Variants in NBPF15 observed in about 807,000 individuals in gnomAD.
NBPF15 encodes the protein NBPF family member NBPF15.
NBPF15 carries 74 observed loss-of-function variants against 62.2 expected under a neutral mutation model. The observed-to-expected ratio is 1.19, with a 90% CI of 0.99 to 1.44. NBPF15 has a LOEUF of 1.44. NBPF15 is among the 40% of genes most tolerant of loss of function. NBPF15 has a pLI of 0.00. For missense variants in NBPF15, 790 were observed against 550.0 expected (o/e 1.44, Z -4.36); for synonymous variants, 244 against 209.7 (o/e 1.16, Z -1.41).
intron 5 of NBPF15, among the ~76,000 whole-genome samples, chr1:144,449,393 T>A (rs1466373308): frequency 6.6e-6 from 1 of 151,080 alleles, no homozygotes; most frequent in African/African-American, 2.4e-5. Context: ...TATACAAGAA[T>A]GTTCATAGCA....
At chr1:144,424,662 C>T in intron 20 of NBPF15, 28 bp downstream of exon 20, 1 of 638,924 alleles carries the variant, frequency 1.6e-6, no homozygotes, top group Non-Finnish European at 2.8e-6. Context: ...TCAGTGGATC[C>T]TTATCACCTT....
chr1:144,428,037 A>G, intron 15 of NBPF15, 47 bp from the exon 16 acceptor site: 1 of 779,088 alleles, frequency 1.3e-6, no homozygotes. Context: ...GGAATCAGAA[A>G]CCACACAGTC....
chr1:144,432,311 C>G (rs9438164), intron 13 of NBPF15, among the ~76,000 whole-genome samples: 2,806 of 150,396 alleles, frequency 0.019, 107 homozygotes, highest in African/African-American at 0.066. Context: ...AAAGTAAGCA[C>G]TAAACATGGA....
chr1:144,443,972 C>A (rs1341195691), intron 6 of NBPF15, among the ~76,000 whole-genome samples: 1 of 151,628 alleles, frequency 6.6e-6, no homozygotes, highest in South Asian at 2.1e-4. Context: ...CATTTTTAAC[C>A]ATTTTCTATA....
At chr1:144,449,782 C>A (rs1553545051) in intron 5 of NBPF15, among the ~76,000 whole-genome samples, 1 of 151,588 alleles carries the variant, frequency 6.6e-6, no homozygotes, top group Non-Finnish European at 1.5e-5. Context: ...TCATTTTGAA[C>A]TAGAATCACT....
chr1:144,455,550 G>A (rs1693938561), intron 4 of NBPF15, among the ~76,000 whole-genome samples: 1 of 151,958 alleles, frequency 6.6e-6, no homozygotes, highest in African/African-American at 2.4e-5. Context: ...AATGAGATGA[G>A]ACAGTGGATC....
At chr1:144,436,841 G>T (rs1160577448) in intron 10 of NBPF15, 54 bp downstream of exon 10, 1 of 1,602,018 alleles carries the variant, frequency 6.2e-7, no homozygotes, top group African/African-American at 1.3e-5. Context: ...ATGGAGGTCT[G>T]GAGTCTCTCA....
At chr1:144,438,620 G>A (rs375355708) in intron 8 of NBPF15, among the ~76,000 whole-genome samples, 2 of 152,010 alleles carry the variant, frequency 1.3e-5, no homozygotes, top group Admixed American at 6.6e-5. Context: ...TGCTAATAAA[G>A]TTTGTGTTAA....
At chr1:144,454,919 C>T (rs1369336816) in intron 4 of NBPF15, among the ~76,000 whole-genome samples, 1 of 150,386 alleles carries the variant, frequency 6.6e-6, no homozygotes, top group Non-Finnish European at 1.5e-5. Flanking sequence ...GAGCTCCCTG[C>T]CTACAAGACA....
chr1:144,439,809 G>T lies in NBPF15; in HGVS notation c.175+20C>A, dbSNP rs1189796726. 4 of 1,572,636 alleles carry T rather than the reference G, an allele frequency of 2.5e-6. No homozygotes were observed. The highest frequency in any genetic ancestry group is 2.6e-6 in the Non-Finnish European group (3 of 1,149,230). Reference sequence around the variant, plus strand: ...GGACATCATTCATCACTTTCATGACGGTGAGCCTATAGATCTTACTGTATT... The same window carrying T: ...GGACATCATTCATCACTTTCATGACTGTGAGCCTATAGATCTTACTGTATT... On this transcript the variant is annotated intron_variant, in intron 8 of 21. Transcript: ENST00000581897.
Position 144,423,871 on chromosome 1 carries a change from T to C in NBPF15, c.1768A>G (p.Arg590Gly). Residue 590 changes from arginine (R) to glycine (G), a missense_variant and splice_region_variant, in exon 21 of 22, where the codon AGG becomes GGG. Arg to Gly is a moderately radical substitution (Grantham distance 125, BLOSUM62 -2). Coordinates refer to ENST00000581897, the MANE Select transcript of NBPF15 (RefSeq NM_001385408.1). ...EGEDDNPPCPRLYGVLMEVEE... is the reference protein window; with the variant it reads ...EGEDDNPPCPGLYGVLMEVEE... Reference sequence around the variant, plus strand: ...GCATCCACAATTGCTGAAAGTTACCTGGGGCATGGTGGGTTGTCATCTTCC... The same window carrying C: ...GCATCCACAATTGCTGAAAGTTACCCGGGGCATGGTGGGTTGTCATCTTCC... 1 of 769,620 alleles carries C rather than the reference T, an allele frequency of 1.3e-6. No homozygotes were observed. Among genetic ancestry groups the C allele is most frequent in the South Asian group, 1.3e-5 (1 of 74,602 alleles). 47.7% of individuals were successfully genotyped at this position (769,620 alleles called of 1,614,324 possible). A position where few individuals can be genotyped will look rare whatever the true frequency, so the allele number is the denominator to read the frequency against.
rs1315263560 is a variant in NBPF15 at position 144,436,868 on chromosome 1, G to A, written c.493+27C>T. ...AGTCTCTCATAAGCCTGGGATTTTG[G>A]GTCATCAGGGCCTATGGCCACCTTA... On this transcript the variant is annotated intron_variant, in intron 10 of 21. Coordinates refer to ENST00000581897, the MANE Select transcript of NBPF15 (RefSeq NM_001385408.1). 2.9e-4 allele frequency: 465 copies of A among 1,611,096 alleles called. 1 individual carries two copies. The highest frequency in any genetic ancestry group is 2.4e-3 in the Middle Eastern group (11 of 4,516).
At position 144,423,232 on chromosome 1, in the gene NBPF15, C is replaced by A; in HGVS notation, c.1794G>T (p.Val598=). The change falls in exon 22 of 22, where the codon GTG becomes GTT. Residue 598 remains valine, a synonymous_variant. Transcript: ENST00000581897. ...CPRLYGVLME[V]EEPEVLQDSL... Reference sequence around the variant, plus strand: ...AGTCCTGTAAGACTTCAGGCTCTTCCACTTCCATCAGCACGCCGTAGAGCC... The same window carrying A: ...AGTCCTGTAAGACTTCAGGCTCTTCAACTTCCATCAGCACGCCGTAGAGCC... 1 of 1,611,566 alleles carries A rather than the reference C, an allele frequency of 6.2e-7. No homozygotes were observed. The highest frequency in any genetic ancestry group is 8.5e-7 in the Non-Finnish European group (1 of 1,179,612).
At chr1:144,429,385 TGACA>T (rs1383623937) in intron 14 of NBPF15, among the ~76,000 whole-genome samples, 1 of 151,386 alleles carries the variant, frequency 6.6e-6, no homozygotes, top group Non-Finnish European at 1.5e-5. Context: ...TGAGCTGAGC[TGACA>T]GACAGCTCCT....
At chr1:144,458,105 T>G (rs113186878) in intron 3 of NBPF15, among the ~76,000 whole-genome samples, 80 of 151,950 alleles carry the variant, frequency 5.3e-4, no homozygotes, top group South Asian at 3.7e-3. Flanking sequence ...AAAAAAAAAT[T>G]GTTCGATGTA....
At chr1:144,459,964 G>T (rs1220727061) in intron 2 of NBPF15, among the ~76,000 whole-genome samples, 1 of 138,968 alleles carries the variant, frequency 7.2e-6, no homozygotes, top group Non-Finnish European at 1.5e-5. Context: ...ATATACCCCA[G>T]TCTAGTAATG....
chr1:144,425,654 T>A (rs1377035053), intron 18 of NBPF15, 86 bp from the exon 19 acceptor site: 1 of 602,092 alleles, frequency 1.7e-6, no homozygotes, highest in East Asian at 3.1e-5. Context: ...CACACAGGGA[T>A]CTCAGGCTTC....
Position 144,442,475 on chromosome 1 carries a change from A to T in NBPF15, c.-190-2180T>A, listed in dbSNP as rs1396895188. Reference sequence around the variant, plus strand: ...GCGGAGCGAGGGCTACTGCACAGCTAGCAGAGTCGTGGCGAGGAGGACAGC... The same window carrying T: ...GCGGAGCGAGGGCTACTGCACAGCTTGCAGAGTCGTGGCGAGGAGGACAGC... On this transcript the variant is annotated intron_variant, in intron 6 of 21. Coordinates refer to ENST00000581897, the MANE Select transcript of NBPF15 (RefSeq NM_001385408.1). 3.4e-5 allele frequency: 5 copies of T among 149,102 alleles called. No homozygotes were observed. The Admixed American group carries it at 3.4e-4, about 10-fold the overall frequency. The allele number at this position is 149,102 out of a possible 1,614,324, so 9.2% of individuals were successfully genotyped here.
chr1:144,434,160 C>T (rs1345319690), intron 12 of NBPF15, among the ~76,000 whole-genome samples: 3 of 150,176 alleles, frequency 2.0e-5, no homozygotes, highest in African/African-American at 7.5e-5. Flanking sequence ...CTTATATCAC[C>T]AGGTAACATG....
Sources: gnomAD v4.1 joint callset for allele counts (sites outside exome capture counted in the v4.1 genomes callset) on GRCh38, gnomAD v4.1.1 for gene constraint, MANE v1.5 for transcripts, NCBI Gene and HGNC (gene_info 2026-07-23, HGNC 2026-07-21) for gene names.